Variants in MLIP observed in about 807,000 individuals in gnomAD.
MLIP encodes muscular LMNA interacting protein.
MLIP carries 79 observed loss-of-function variants against 84.8 expected under a neutral mutation model. The ratio of observed to expected loss-of-function variants is 0.93; its 90% CI spans 0.78 to 1.12. The LOEUF (loss-of-function observed/expected upper bound fraction) is 1.12. Among genes scored for constraint, MLIP ranks in the 50% most tolerant of loss-of-function variants. The probability of loss-of-function intolerance (pLI) is 0.00; values close to 1 mark genes in which losing one functional copy is unlikely to be tolerated. For synonymous variants in MLIP, 504 were observed against 463.0 expected (o/e 1.09, Z -1.14); for missense variants, 1,257 against 1,160.6 (o/e 1.08, Z -1.21).
chr6:54,124,797 A>T lies in MLIP; in HGVS notation c.577A>T (p.Thr193Ser). The T allele has an allele frequency of 6.2e-7, 1 of 1,613,900 alleles. No individual in the cohort carries two copies. The highest frequency in any genetic ancestry group is 8.5e-7 in the Non-Finnish European group (1 of 1,179,932). The change falls in exon 3 of 14, where the codon ACT (threonine) becomes TCT (serine). Residue 193 changes from threonine to serine, a missense_variant. Physicochemically the swap from Thr to Ser is moderately conservative, Grantham distance 58. Transcript: ENST00000502396. The stretch of plus-strand genomic sequence containing the variant: ...TGTAGTGCGTCCCAAAACACAGGGG[A>T]CTGATCTCAAGACCTCATCACATCC... Reference protein sequence around the residue: ...SDVVRPKTQGTDLKTSSHPEM... With the variant: ...SDVVRPKTQGSDLKTSSHPEM...
At chr6:54,214,744 T>A (rs80158939) in intron 11 of MLIP, among the ~76,000 whole-genome samples, 1 of 152,288 alleles carries the variant, frequency 6.6e-6, no homozygotes, top group African/African-American at 2.4e-5. Context: ...AACATGAGGA[T>A]GGAATTAATC....
chr6:54,265,523 C>G (rs1562125740), intron 13 of MLIP, among the ~76,000 whole-genome samples: 1 of 152,124 alleles, frequency 6.6e-6, no homozygotes, highest in Non-Finnish European at 1.5e-5. Flanking sequence ...AATTCAATCC[C>G]TATTCAGTTT....
chr6:54,140,620 G>A (rs923810485), intron 4 of MLIP, among the ~76,000 whole-genome samples: 3 of 152,074 alleles, frequency 2.0e-5, no homozygotes, highest in African/African-American at 7.2e-5. Context: ...TCTTTTTCAT[G>A]TTTATTTTCT....
intron 1 of MLIP, among the ~76,000 whole-genome samples, chr6:54,061,461 A>C (rs556639634): frequency 2.0e-5 from 3 of 152,198 alleles, no homozygotes; most frequent in Non-Finnish European, 4.4e-5. Context: ...GATTAAATGC[A>C]GTAGTATATG....
rs1775544171 is a variant in MLIP at position 54,169,442 on chromosome 6, G to C, written c.2500-86G>C. On this transcript the variant is annotated intron_variant, in intron 8 of 13. Coordinates refer to ENST00000502396, the MANE Select transcript of MLIP (RefSeq NM_001281747.2). ...GCAATGTTTAGAAAGTCTCAATTGA[G>C]AAGAAGGTGAACACATTCCAGAAGT... 5 of 792,316 alleles carry C rather than the reference G, an allele frequency of 6.3e-6. No individual in the cohort carries two copies. In the East Asian group the frequency reaches 1.6e-4, roughly 25 times the overall value. 49.1% of individuals were successfully genotyped at this position (792,316 alleles called of 1,614,324 possible).
chr6:54,176,083 T>G (rs1309025327), intron 9 of MLIP, among the ~76,000 whole-genome samples: 1 of 152,100 alleles, frequency 6.6e-6, no homozygotes, highest in Non-Finnish European at 1.5e-5. Flanking sequence ...AAATCCTACT[T>G]GATCATGATG....
chr6:54,051,445 T>C (rs1301353137), intron 1 of MLIP, among the ~76,000 whole-genome samples: 3 of 152,168 alleles, frequency 2.0e-5, no homozygotes, highest in Non-Finnish European at 2.9e-5. Flanking sequence ...TTACTGATTA[T>C]TACTTTAATG....
At chr6:54,188,694 T>C (rs1433806874) in intron 9 of MLIP, among the ~76,000 whole-genome samples, 1 of 152,082 alleles carries the variant, frequency 6.6e-6, no homozygotes, top group East Asian at 1.9e-4. Context: ...AGAGCTTAGA[T>C]ATAATGGGAG....
intron 9 of MLIP, among the ~76,000 whole-genome samples, chr6:54,170,730 C>T (rs1423068823): frequency 6.6e-6 from 1 of 151,548 alleles, no homozygotes; most frequent in Non-Finnish European, 1.5e-5. Context: ...ATTAGCTAAT[C>T]TATGAAAAGC....
At chr6:54,186,849 A>G (rs115638430) in intron 9 of MLIP, among the ~76,000 whole-genome samples, 3,004 of 152,220 alleles carry the variant, frequency 0.02, 45 homozygotes, top group Non-Finnish European at 0.03. Context: ...TTAGAATACT[A>G]AAAAGAACCT....
chr6:54,244,521 AAATGAATGTC>A (rs1781947626), intron 12 of MLIP, among the ~76,000 whole-genome samples: 1 of 152,194 alleles, frequency 6.6e-6, no homozygotes, highest in Non-Finnish European at 1.5e-5. Context: ...TAACATTAAA[AAATGAATGTC>A]AATGAGCAGA....
At chr6:54,032,100 T>C (rs1764174097) in intron 1 of MLIP, among the ~76,000 whole-genome samples, 1 of 152,264 alleles carries the variant, frequency 6.6e-6, no homozygotes, top group African/African-American at 2.4e-5. Context: ...ACAGGAGAGT[T>C]CTATTTTTTT....
intron 4 of MLIP, among the ~76,000 whole-genome samples, chr6:54,141,821 T>G (rs1236549558): frequency 6.6e-6 from 1 of 152,212 alleles, no homozygotes; most frequent in African/African-American, 2.4e-5. Context: ...AGTCTGCCAC[T>G]TACCGAAGAC....
chr6:54,048,570 A>G (rs1472865649), intron 1 of MLIP, among the ~76,000 whole-genome samples: 1 of 152,160 alleles, frequency 6.6e-6, no homozygotes, highest in Non-Finnish European at 1.5e-5. Context: ...AAAGATGTTT[A>G]TGGGAAACAA....
intron 1 of MLIP, among the ~76,000 whole-genome samples, chr6:54,062,298 A>G (rs1412352459): frequency 6.6e-6 from 1 of 152,056 alleles, no homozygotes; most frequent in Non-Finnish European, 1.5e-5. Context: ...TGTCCTTATT[A>G]GCCCACCCTC....
At position 54,191,829 on chromosome 6, in the gene MLIP, AT is replaced by A. The variant is rs546179625; in HGVS notation, c.2589+1916del. On this transcript the variant is annotated intron_variant, in intron 10 of 13. Transcript: ENST00000502396. Reference sequence around the variant, plus strand: ...TGTTTATTTAGAGTAATATATGGAAATGAATGTTTTAAACATTCTCATATAT... The same window carrying A: ...TGTTTATTTAGAGTAATATATGGAAAGAATGTTTTAAACATTCTCATATAT... Among the ~76,000 whole-genome samples, 13 of 152,144 alleles carry A rather than the reference AT, an allele frequency of 8.5e-5. No homozygotes were observed. The East Asian group carries it at 2.5e-3, about 29-fold the overall frequency.
intron 1 of MLIP, among the ~76,000 whole-genome samples, chr6:54,099,948 A>G (rs555049151): frequency 9.9e-5 from 15 of 152,202 alleles, no homozygotes; most frequent in Non-Finnish European, 1.9e-4. Flanking sequence ...ATGCTGATTT[A>G]AAAGAAAAGT....
chr6:54,105,183 C>T (rs1008885929), intron 1 of MLIP, among the ~76,000 whole-genome samples: 1 of 152,134 alleles, frequency 6.6e-6, no homozygotes, highest in Non-Finnish European at 1.5e-5. Flanking sequence ...TTTCACAGCC[C>T]TGAGAATCCT....
upstream of MLIP, among the ~76,000 whole-genome samples, chr6:54,109,183 A>T (rs1769237365): frequency 6.7e-6 from 1 of 150,296 alleles, no homozygotes; most frequent in African/African-American, 2.4e-5. Context: ...TAAAGCTAAA[A>T]CATCTTAATT....
Sources: allele counts gnomAD v4.1 joint callset (sites outside exome capture counted in the v4.1 genomes callset), GRCh38; gene constraint gnomAD v4.1.1; transcripts MANE v1.5; gene names NCBI Gene and HGNC (gene_info 2026-07-23, HGNC 2026-07-21).